MTUS1: variants seen among roughly 807,000 people sequenced by gnomAD.
MTUS1 encodes the protein microtubule associated scaffold protein 1.
MTUS1 carries 109 observed loss-of-function variants against 120.8 expected under a neutral mutation model. The observed-to-expected ratio is 0.90, with a 90% CI of 0.77 to 1.06. MTUS1 has a LOEUF of 1.06. MTUS1 is among the 50% of genes least tolerant of loss of function. The pLI is 0.00. For synonymous variants in MTUS1, 737 were observed against 550.5 expected, an observed-to-expected ratio of 1.34 and a Z score of -4.74; for missense variants, 2,210 against 1,486.3, an observed-to-expected ratio of 1.49 and a Z score of -8.01.
intron 1 of MTUS1, among the ~76,000 whole-genome samples, chr8:17,768,279 G>C (rs1286765628): frequency 6.6e-6 from 1 of 152,202 alleles, no homozygotes; most frequent in Non-Finnish European, 1.5e-5. Flanking sequence ...TGTGAGCTCA[G>C]GATATTAATT....
chr8:17,738,330 G>A (rs1438485880), intron 3 of MTUS1, among the ~76,000 whole-genome samples: 1 of 152,182 alleles, frequency 6.6e-6, no homozygotes, highest in East Asian at 1.9e-4. Context: ...GAGTCACGGG[G>A]CAGGGAGAGC....
intron 6 of MTUS1, among the ~76,000 whole-genome samples, chr8:17,696,788 A>G (rs993833289): frequency 6.6e-6 from 1 of 152,196 alleles, no homozygotes. Context: ...TTCTGTCAGA[A>G]GTGTTTAGTA....
At chr8:17,713,836 C>T (rs1274341569) in intron 5 of MTUS1, among the ~76,000 whole-genome samples, 1 of 152,138 alleles carries the variant, frequency 6.6e-6, no homozygotes, top group Non-Finnish European at 1.5e-5. Context: ...CCAGTTAGAA[C>T]AGCTACCATG....
chr8:17,786,648 A>G (rs2051325650), intron 1 of MTUS1, among the ~76,000 whole-genome samples: 1 of 152,210 alleles, frequency 6.6e-6, no homozygotes, highest in Admixed American at 6.5e-5. Flanking sequence ...TTATAAAGAA[A>G]TAAAGTTCCA....
At chr8:17,687,412 T>A (rs1816055340) in intron 6 of MTUS1, among the ~76,000 whole-genome samples, 1 of 152,136 alleles carries the variant, frequency 6.6e-6, no homozygotes, top group African/African-American at 2.4e-5. Flanking sequence ...AGCCAGGGGT[T>A]CCCTTAAATC....
chr8:17,645,047 T>C lies in MTUS1; in HGVS notation c.*879A>G, dbSNP rs966167139. The C allele has an allele frequency of 2.1e-5, 2 of 95,334 alleles. No individual in the cohort carries two copies. Among genetic ancestry groups the C allele is most frequent in the Non-Finnish European group, 4.4e-5 (2 of 45,950 alleles). The allele number at this position is 95,334 out of a possible 1,614,324, so 5.9% of individuals were successfully genotyped here. ...AACCCATTGGTACTTCCCTTTTTCT[T>C]TCTTTACACAGTTAGTTAGTTAGTT... On this transcript the variant is annotated 3_prime_UTR_variant, in exon 15 of 15. Transcript: ENST00000693296.
At chr8:17,714,258 G>A (rs1821883193) in intron 5 of MTUS1, among the ~76,000 whole-genome samples, 1 of 152,004 alleles carries the variant, frequency 6.6e-6, no homozygotes, top group Admixed American at 6.6e-5. Flanking sequence ...CTTCAATTCA[G>A]TACAAAGAAA....
At chr8:17,774,731 T>A (rs1307817750) in intron 1 of MTUS1, among the ~76,000 whole-genome samples, 1 of 152,016 alleles carries the variant, frequency 6.6e-6, no homozygotes, top group African/African-American at 2.4e-5. Context: ...AGCATTCCAC[T>A]CTTATACCCC....
rs186400432 is a variant in MTUS1 at position 17,676,616 on chromosome 8, C to T, written c.2839-1364G>A. The stretch of plus-strand genomic sequence containing the variant: ...AACGAGAGGCAGGCATTAGACTGAT[C>T]GATTGCCATTTAGTTAAATATCAGC... On this transcript the variant is annotated intron_variant, in intron 7 of 14. Coordinates refer to ENST00000693296, the MANE Select transcript of MTUS1 (RefSeq NM_001363059.2). 1.0e-4 allele frequency: 41 copies of T among 404,080 alleles called. No homozygotes were observed. In the Admixed American group the frequency reaches 1.4e-3, roughly 14 times the overall value. The allele number at this position is 404,080 out of a possible 1,614,324, so 25.0% of individuals were successfully genotyped here.
chr8:17,730,308 C>T (rs1033810198), intron 3 of MTUS1, among the ~76,000 whole-genome samples: 1 of 151,954 alleles, frequency 6.6e-6, no homozygotes, highest in African/African-American at 2.4e-5. Context: ...ATGGTGAAAC[C>T]CCATCTCTAC....
At chr8:17,749,531 C>G (rs2048022405) in intron 2 of MTUS1, among the ~76,000 whole-genome samples, 1 of 151,696 alleles carries the variant, frequency 6.6e-6, no homozygotes, top group Non-Finnish European at 1.5e-5. Context: ...TGTGGTGGTC[C>G]TCACCTGTAA....
chr8:17,791,935 G>A (rs1439492166), intron 1 of MTUS1, among the ~76,000 whole-genome samples: 1 of 152,190 alleles, frequency 6.6e-6, no homozygotes, highest in Non-Finnish European at 1.5e-5. Context: ...AACCCCAGGA[G>A]ACAAGGTACT....
At chr8:17,791,670 G>C (rs2051793997) in intron 1 of MTUS1, among the ~76,000 whole-genome samples, 1 of 152,164 alleles carries the variant, frequency 6.6e-6, no homozygotes, top group African/African-American at 2.4e-5. Context: ...TGGAGTCTGA[G>C]AATAAACAAT....
intron 9 of MTUS1, chr8:17,655,085 G>C (rs755396603): frequency 2.2e-4 from 38 of 174,334 alleles, no homozygotes; most frequent in East Asian, 1.5e-4. Flanking sequence ...CCAGGAACGA[G>C]GATATGTTTC....
At chr8:17,739,398 CAGG>C (rs1233229624) in intron 3 of MTUS1, among the ~76,000 whole-genome samples, 1 of 151,956 alleles carries the variant, frequency 6.6e-6, no homozygotes, top group African/African-American at 2.4e-5. Context: ...GAGGCTGAGG[CAGG>C]AGAATTGCTT....
chr8:17,665,863 C>A (rs199550025), intron 8 of MTUS1, among the ~76,000 whole-genome samples: 82 of 152,226 alleles, frequency 5.4e-4, no homozygotes, highest in African/African-American at 1.6e-3. Flanking sequence ...CCTTTCCCCC[C>A]CTATACTGGG....
chr8:17,693,682 C>G (rs573355701), intron 6 of MTUS1, among the ~76,000 whole-genome samples: 20 of 152,172 alleles, frequency 1.3e-4, no homozygotes, highest in South Asian at 4.1e-4. Context: ...GGCACTTCTA[C>G]TGGAGGACCT....
intron 8 of MTUS1, among the ~76,000 whole-genome samples, chr8:17,663,595 GT>G (rs888310724): frequency 2.7e-3 from 236 of 88,684 alleles, no homozygotes; most frequent in African/African-American, 6.7e-3. Context: ...TTTTTGTTTT[GT>G]TTTGTTTTGT....
In MTUS1 at chr8:17,713,233, T is replaced by C. The variant is rs1298142016; in HGVS notation, c.2604A>G (p.Leu868=). 56 of 1,597,688 alleles carry C rather than the reference T, an allele frequency of 3.5e-5. No homozygotes were observed. In the Middle Eastern group the frequency reaches 5.0e-4, roughly 14 times the overall value. The change falls in exon 6 of 15, where the codon TTA becomes TTG. Residue 868 remains leucine, a synonymous_variant. Transcript: ENST00000693296. The stretch of plus-strand genomic sequence containing the variant: ...ACTCACCTGCATTAAGAGCTGTAAA[T>C]AAATTTTTTCTCGAAGGACCTAAGA... ...TPPKGPSRKN[L]FTALNAVEKS... is the part of the protein sequence containing the mutation.
Sources: allele counts gnomAD v4.1 joint callset (sites outside exome capture counted in the v4.1 genomes callset), GRCh38; gene constraint gnomAD v4.1.1; transcripts MANE v1.5; gene names NCBI Gene and HGNC (gene_info 2026-07-23, HGNC 2026-07-21).